Variants in CELF1 observed in about 807,000 individuals in gnomAD.
The protein encoded by CELF1 is 50 kDa nuclear polyadenylated RNA-binding protein.
Under a neutral mutation model 61.8 loss-of-function variants are expected in CELF1, and 10 were observed. The observed-to-expected ratio is 0.16, with a 90% CI of 0.10 to 0.27. The LOEUF (loss-of-function observed/expected upper bound fraction) is 0.27, where lower values mean the gene tolerates loss of function less well. CELF1 is among the 10% of genes least tolerant of loss of function. The pLI is 1.00. For synonymous variants in CELF1, 236 were observed against 225.1 expected, an observed-to-expected ratio of 1.05 and a Z score of -0.43; for missense variants, 380 against 639.1, an observed-to-expected ratio of 0.59 and a Z score of 4.37.
chr11:47,527,047 G>A (rs1303058217), intron 1 of CELF1, among the ~76,000 whole-genome samples: 4 of 144,746 alleles, frequency 2.8e-5, no homozygotes, highest in Non-Finnish European at 4.5e-5. Flanking sequence ...GCAAAACTCC[G>A]TCTAAAAAAA....
chr11:47,553,279 G>A (rs1032843224), upstream of CELF1, among the ~76,000 whole-genome samples: 1 of 152,072 alleles, frequency 6.6e-6, no homozygotes, highest in African/African-American at 2.4e-5. Context: ...CGAGCGCCGG[G>A]CGCTGCAGCG....
At chr11:47,511,534 AT>A (rs1331061377) in intron 1 of CELF1, among the ~76,000 whole-genome samples, 1 of 152,252 alleles carries the variant, frequency 6.6e-6, no homozygotes, top group Non-Finnish European at 1.5e-5. Context: ...GGAATATGGC[AT>A]TTAAAGTTTG....
intron 1 of CELF1, among the ~76,000 whole-genome samples, chr11:47,545,505 AAG>A (rs1222278414): frequency 2.0e-5 from 3 of 152,154 alleles, no homozygotes; most frequent in Non-Finnish European, 2.9e-5. Context: ...GGTTAATAAC[AAG>A]AGTTATTAAG....
intron 13 of CELF1, 49 bp downstream of exon 13, chr11:47,475,287 G>A (rs1335611684): frequency 6.3e-7 from 1 of 1,587,230 alleles, no homozygotes; most frequent in East Asian, 2.2e-5. Flanking sequence ...TTCTGGTATA[G>A]GAGGAAAACC....
chr11:47,482,800 C>T lies in CELF1; in HGVS notation c.663G>A (p.Gln221=), dbSNP rs747284920. 2 of 1,614,170 alleles carry T rather than the reference C, an allele frequency of 1.2e-6. No individual in the cohort carries two copies. Among genetic ancestry groups the T allele is most frequent in the South Asian group, 2.2e-5 (2 of 91,084 alleles). Residue 221 remains glutamine, a synonymous_variant, in exon 9 of 15, where the codon CAG becomes CAA. Transcript: ENST00000687097. The part of the protein sequence containing the change: ...KFADTQKDKE[Q]KRMAQQLQQQ... The stretch of plus-strand genomic sequence containing the variant: ...GCTGGAGCTGCTGGGCCATTCTCTT[C>T]TGTTCTTTGTCCTTCTGTGTATCAG...
intron 1 of CELF1, among the ~76,000 whole-genome samples, chr11:47,515,738 C>T (rs2095516204): frequency 6.6e-6 from 1 of 152,026 alleles, no homozygotes; most frequent in Non-Finnish European, 1.5e-5. Flanking sequence ...ATTTTCATTC[C>T]CATTTTTCAG....
intron 1 of CELF1, among the ~76,000 whole-genome samples, chr11:47,513,235 CTA>C (rs1012755526): frequency 5.9e-5 from 9 of 152,194 alleles, no homozygotes; most frequent in African/African-American, 9.7e-5. Context: ...TGTTAGTGAA[CTA>C]TGTTTCAACT....
At chr11:47,472,433 C>CCTTA in intron 14 of CELF1, 76 bp from the exon 15 acceptor site, 1 of 1,490,094 alleles carries the variant, frequency 6.7e-7, no homozygotes, top group South Asian at 1.2e-5. Context: ...ATGCAAGATA[C>CCTTA]CTTATGTGCT....
chr11:47,543,673 C>CT (rs2096864775), intron 1 of CELF1, among the ~76,000 whole-genome samples: 1 of 152,106 alleles, frequency 6.6e-6, no homozygotes, highest in South Asian at 2.1e-4. Flanking sequence ...ACTCAGGAGG[C>CT]TGAGACAGGA....
rs371313278 is a variant in CELF1, at chr11:47,501,917, A to AT, written c.-153-986dup. ...TGTGTTTTTAATATTTCCTAAAAAC[A>AT]TATGAAATCTAATTGTATCTCTAGT... On this transcript the variant is annotated intron_variant, in intron 1 of 14. Transcript: ENST00000687097. Among the ~76,000 whole-genome samples the AT allele has an allele frequency of 3.8e-3, 578 of 152,352 alleles. 6 individuals are homozygous for AT. Among genetic ancestry groups the AT allele is most frequent in the Non-Finnish European group, 4.8e-3 (327 of 68,038 alleles).
At chr11:47,539,432 A>T (rs549026081) in intron 1 of CELF1, among the ~76,000 whole-genome samples, 3 of 152,258 alleles carry the variant, frequency 2.0e-5, no homozygotes, top group African/African-American at 7.2e-5. Flanking sequence ...CGGACAGAAC[A>T]CCTGAGGTCG....
rs767810219 is a variant in CELF1 at position 47,483,574 on chromosome 11, C to T, written c.527-42G>A. 9 of 1,454,988 alleles carry T rather than the reference C, an allele frequency of 6.2e-6. No homozygotes were observed. In the East Asian group the frequency reaches 1.6e-4, roughly 26 times the overall value. The allele number at this position is 1,454,988 out of a possible 1,614,324, so 90.1% of individuals were successfully genotyped here. The stretch of plus-strand genomic sequence containing the variant: ...CAGTAACTCATGCATTCATTTATTT[C>T]TCTGACAAACATTAACTGAGCACCT... On this transcript the variant is annotated intron_variant, in intron 7 of 14. Coordinates refer to ENST00000687097, the MANE Select transcript of CELF1 (RefSeq NM_001376376.1).
intron 1 of CELF1, among the ~76,000 whole-genome samples, chr11:47,509,691 G>C (rs1320732889): frequency 1.3e-5 from 2 of 152,096 alleles, no homozygotes; most frequent in East Asian, 1.9e-4. Flanking sequence ...AGGAGTTCCA[G>C]ACCAGCCTGG....
intron 3 of CELF1, among the ~76,000 whole-genome samples, chr11:47,489,935 G>GTTGTTTTTTTTTTTTTTTTT (rs1555170252): frequency 6.2e-5 from 3 of 48,226 alleles, no homozygotes; most frequent in Non-Finnish European, 1.2e-4. Context: ...ATACCATCTT[G>GTTGTTTTTTTTTTTTTTTTT]TTTTTTTTTT....
At chr11:47,497,587 A>G (rs2093348399) in intron 3 of CELF1, among the ~76,000 whole-genome samples, 1 of 152,270 alleles carries the variant, frequency 6.6e-6, no homozygotes, top group African/African-American at 2.4e-5. Context: ...GTTTTGGTGA[A>G]GATGGGTGAC....
intron 2 of CELF1, among the ~76,000 whole-genome samples, chr11:47,559,847 T>C (rs2097220226): frequency 6.6e-6 from 1 of 151,058 alleles, no homozygotes; most frequent in African/African-American, 2.4e-5. Context: ...ACTAAAAATA[T>C]AAAAATTAGC....
At chr11:47,523,505 C>G (rs375579687) in intron 1 of CELF1, 10 of 152,184 alleles carry the variant, frequency 6.6e-5, no homozygotes, top group African/African-American at 9.7e-5. Context: ...AATAAGCATC[C>G]AAAACCTACA....
chr11:47,527,286 G>A (rs1199517573), intron 1 of CELF1, among the ~76,000 whole-genome samples: 2 of 152,102 alleles, frequency 1.3e-5, no homozygotes, highest in East Asian at 1.9e-4. Context: ...AACTACTCAG[G>A]GGGCTGAGGT....
chr11:47,551,603 G>A (rs1249460474), intron 1 of CELF1, among the ~76,000 whole-genome samples: 1 of 152,238 alleles, frequency 6.6e-6, no homozygotes, highest in African/African-American at 2.4e-5. Flanking sequence ...GATTAATAGA[G>A]AGGCTGAAAC....
Sources: gnomAD v4.1 joint callset for allele counts (sites outside exome capture counted in the v4.1 genomes callset) on GRCh38, gnomAD v4.1.1 for gene constraint, MANE v1.5 for transcripts, NCBI Gene and HGNC (gene_info 2026-07-23, HGNC 2026-07-21) for gene names.